Variants in CERS6 observed in about 807,000 individuals in gnomAD.
The protein encoded by CERS6 is LAG1 homolog, ceramide synthase 6.
Under a neutral mutation model 56.8 loss-of-function variants are expected in CERS6, and 26 were observed. The ratio of observed to expected loss-of-function variants is 0.46; its 90% CI spans 0.34 to 0.63. CERS6 has a LOEUF of 0.63. CERS6 is among the 30% of genes least tolerant of loss of function. The pLI, the probability that CERS6 is intolerant of heterozygous loss-of-function variation, is 0.01. For missense variants in CERS6, 415 were observed against 467.5 expected (o/e 0.89, Z 1.04); for synonymous variants, 164 against 173.3 (o/e 0.95, Z 0.42).
intron 3 of CERS6, among the ~76,000 whole-genome samples, chr2:168,630,710 C>T (rs1281516448): frequency 6.6e-6 from 1 of 152,054 alleles, no homozygotes; most frequent in East Asian, 1.9e-4. Context: ...AAGAAGTTCA[C>T]ATGTTGGAGA....
chr2:168,667,936 G>A (rs1163237625), intron 4 of CERS6, among the ~76,000 whole-genome samples: 1 of 152,208 alleles, frequency 6.6e-6, no homozygotes, highest in Non-Finnish European at 1.5e-5. Context: ...AGTCATGTGT[G>A]ACTTGAGCAT....
chr2:168,743,756 C>T (rs1683999516), intron 8 of CERS6, among the ~76,000 whole-genome samples: 1 of 151,894 alleles, frequency 6.6e-6, no homozygotes, highest in African/African-American at 2.4e-5. Flanking sequence ...GTTAAATGAC[C>T]CAGGTCATTG....
chr2:168,695,100 GC>G (rs778714796), intron 6 of CERS6, 49 bp downstream of exon 6: 2 of 1,456,398 alleles, frequency 1.4e-6, no homozygotes, highest in Non-Finnish European at 1.9e-6. Flanking sequence ...ATCTTTAATG[GC>G]CCTTAGCAGG....
intron 3 of CERS6, among the ~76,000 whole-genome samples, chr2:168,566,236 A>G (rs1695881016): frequency 6.6e-6 from 1 of 152,178 alleles, no homozygotes; most frequent in East Asian, 1.9e-4. Context: ...ATGTAATCTG[A>G]AAATCTACTC....
At chr2:168,725,993 C>G (rs1395185386) in intron 8 of CERS6, among the ~76,000 whole-genome samples, 2 of 152,184 alleles carry the variant, frequency 1.3e-5, no homozygotes, top group Non-Finnish European at 2.9e-5. Flanking sequence ...TATGTGTAAT[C>G]TCTACGTTCC....
Position 168,456,379 on chromosome 2 carries a change from C to G in CERS6, c.-70C>G, listed in dbSNP as rs944799887. ...GCTCGGGGCCAGCCGGGCGCGCATC[C>G]CCGGGCGCCCTGCGCGGTGGAGAGC... is the stretch of plus-strand genomic sequence containing the variant. On this transcript the variant is annotated 5_prime_UTR_variant, in exon 1 of 10. Coordinates refer to ENST00000305747, the MANE Select transcript of CERS6 (RefSeq NM_203463.3). The surrounding 1 kb of genome is among the most constrained non-coding windows in gnomAD (Gnocchi z 4.1). The G allele has an allele frequency of 2.3e-6, 3 of 1,300,412 alleles. No individual in the cohort carries two copies. The African/African-American group carries it at 4.6e-5, about 20-fold the overall frequency. The allele number at this position is 1,300,412 out of a possible 1,614,324, so 80.6% of individuals were successfully genotyped here.
At chr2:168,488,855 C>T (rs2105337486) in intron 1 of CERS6, among the ~76,000 whole-genome samples, 1 of 152,236 alleles carries the variant, frequency 6.6e-6, no homozygotes, top group South Asian at 2.1e-4. Context: ...TCCCCACTTA[C>T]CTGTAGGTTA....
intron 1 of CERS6, among the ~76,000 whole-genome samples, chr2:168,524,564 T>C (rs1301756582): frequency 1.3e-5 from 2 of 151,986 alleles, no homozygotes; most frequent in Non-Finnish European, 2.9e-5. Flanking sequence ...GGAAAGAAAA[T>C]CCGTGTAACG....
chr2:168,566,573 T>G (rs1282237717), intron 3 of CERS6, among the ~76,000 whole-genome samples: 2 of 152,216 alleles, frequency 1.3e-5, no homozygotes, highest in Non-Finnish European at 2.9e-5. Context: ...CTTGGTCACC[T>G]TGAATCTAAA....
chr2:168,642,139 A>C (rs1457557540), intron 4 of CERS6, among the ~76,000 whole-genome samples: 1 of 152,126 alleles, frequency 6.6e-6, no homozygotes, highest in Admixed American at 6.5e-5. Flanking sequence ...TGGGAGACTG[A>C]GGCAGGCATA....
chr2:168,477,018 A>G (rs1694083810), intron 1 of CERS6, among the ~76,000 whole-genome samples: 1 of 152,090 alleles, frequency 6.6e-6, no homozygotes. Flanking sequence ...AACAACAGAA[A>G]TTTATTTTTC....
At chr2:168,764,694 C>T (rs935426957) in intron 8 of CERS6, among the ~76,000 whole-genome samples, 1 of 151,878 alleles carries the variant, frequency 6.6e-6, no homozygotes, top group African/African-American at 2.4e-5. Context: ...TCTTTTTTTG[C>T]AGTGTATTGG....
intron 1 of CERS6, among the ~76,000 whole-genome samples, chr2:168,508,277 C>G (rs2105349014): frequency 6.6e-6 from 1 of 152,278 alleles, no homozygotes; most frequent in South Asian, 2.1e-4. Context: ...TCAGCAAAAT[C>G]TGGGTAAAAT....
intron 4 of CERS6, among the ~76,000 whole-genome samples, chr2:168,663,060 G>C (rs1574139989): frequency 6.6e-6 from 1 of 152,170 alleles, no homozygotes; most frequent in East Asian, 1.9e-4. Flanking sequence ...GGACCCGCTT[G>C]AGTTCAGATC....
chr2:168,746,087 C>T (rs1475968420), intron 8 of CERS6, among the ~76,000 whole-genome samples: 2 of 152,194 alleles, frequency 1.3e-5, no homozygotes, highest in Non-Finnish European at 2.9e-5. Flanking sequence ...TGAGTGGGCT[C>T]CCAGTGGCAC....
intron 6 of CERS6, among the ~76,000 whole-genome samples, chr2:168,707,780 C>A (rs1380250098): frequency 6.6e-6 from 1 of 152,084 alleles, no homozygotes; most frequent in Non-Finnish European, 1.5e-5. Context: ...CCCAAATATA[C>A]TTTTATTATT....
chr2:168,758,189 A>T (rs1684468646), intron 8 of CERS6, among the ~76,000 whole-genome samples: 1 of 152,178 alleles, frequency 6.6e-6, no homozygotes, highest in Non-Finnish European at 1.5e-5. Flanking sequence ...TCAAATGAAC[A>T]TCCATGCCAG....
chr2:168,561,926 T>C (rs1198795673), intron 3 of CERS6, among the ~76,000 whole-genome samples: 6 of 151,698 alleles, frequency 4.0e-5, no homozygotes, highest in African/African-American at 9.7e-5. Flanking sequence ...TCCAGCACAG[T>C]GATATTTTGA....
intron 4 of CERS6, among the ~76,000 whole-genome samples, chr2:168,680,699 T>G (rs756482781): frequency 2.0e-5 from 3 of 152,174 alleles, no homozygotes; most frequent in Non-Finnish European, 4.4e-5. Flanking sequence ...TAGGTCCTTA[T>G]AAAAGAGGCT....
Sources: gnomAD v4.1 joint callset for allele counts (sites outside exome capture counted in the v4.1 genomes callset) on GRCh38, gnomAD v4.1.1 for gene constraint, Gnocchi (gnomAD v3.1) non-coding constraint, MANE v1.5 for transcripts, NCBI Gene and HGNC (gene_info 2026-07-23, HGNC 2026-07-21) for gene names.